Variants in RAPGEF6 observed in about 807,000 individuals in gnomAD.
RAPGEF6 encodes the protein PDZ domain containing guanine nucleotide exchange factor (GEF) 2.
Under a neutral mutation model 171.4 loss-of-function variants are expected in RAPGEF6, and 56 were observed. The observed-to-expected ratio is 0.33, with a 90% CI of 0.26 to 0.41. The LOEUF is 0.41. RAPGEF6 is among the 10% of genes least tolerant of loss of function. The pLI is 1.00. For synonymous variants in RAPGEF6, 692 were observed against 650.1 expected, an observed-to-expected ratio of 1.06 and a Z score of -0.98; for missense variants, 1,674 against 1,921.4, an observed-to-expected ratio of 0.87 and a Z score of 2.41.
intron 11 of RAPGEF6, among the ~76,000 whole-genome samples, chr5:131,502,470 C>T (rs943226498): frequency 8.5e-5 from 13 of 152,194 alleles, no homozygotes; most frequent in Admixed American, 2.6e-4. Flanking sequence ...GTAATCATGG[C>T]TAACTTCACC....
intron 5 of RAPGEF6, among the ~76,000 whole-genome samples, chr5:131,555,746 A>G (rs1013800634): frequency 1.0e-5 from 1 of 96,696 alleles, no homozygotes; most frequent in Admixed American, 1.1e-4. Flanking sequence ...ATTTATGTAT[A>G]TGTGTTATGT....
rs1214236522 is a variant in RAPGEF6 at position 131,446,635 on chromosome 5, G to A, written c.3269C>T (p.Ala1090Val). 8 of 1,614,056 alleles carry A rather than the reference G, an allele frequency of 5.0e-6. No homozygotes were observed. The highest frequency in any genetic ancestry group is 6.8e-6 in the Non-Finnish European group (8 of 1,180,012). ...DVQGGAHKKR[A>V]RRSSLLNAKK... ...GGCATTAAGCAGAGAGCTGCGGCGTGCCCTTTTTTTGTGAGCACCTCCCTG... is the reference window on the plus strand; with the variant it reads ...GGCATTAAGCAGAGAGCTGCGGCGTACCCTTTTTTTGTGAGCACCTCCCTG... Residue 1090 changes from alanine (A) to valine (V), a missense_variant, in exon 22 of 28, where the codon GCA becomes GTA. Physicochemically the swap from Ala to Val is moderately conservative, Grantham distance 64. This residue lies in a region of RAPGEF6 where 1,116 missense variants were observed against 1,321.5 expected (regional missense o/e 0.84). Coordinates refer to ENST00000509018, the MANE Select transcript of RAPGEF6 (RefSeq NM_016340.6).
At chr5:131,529,192 CA>C (rs376894290) in intron 6 of RAPGEF6, among the ~76,000 whole-genome samples, 69 of 150,854 alleles carry the variant, frequency 4.6e-4, no homozygotes, top group African/African-American at 1.6e-3. Flanking sequence ...AAAACAACAA[CA>C]GGCAGGGCAC....
chr5:131,503,797 G>T (rs1580930416), intron 11 of RAPGEF6, among the ~76,000 whole-genome samples: 1 of 152,126 alleles, frequency 6.6e-6, no homozygotes, highest in Non-Finnish European at 1.5e-5. Context: ...CAGTATGGGG[G>T]TTAATACTCA....
rs757492778 is a variant in RAPGEF6, at chr5:131,433,457, A to G, written c.3947T>C (p.Ile1316Thr). 3.7e-6 allele frequency: 6 copies of G among 1,613,146 alleles called. No individual in the cohort carries two copies. Among genetic ancestry groups the G allele is most frequent in the Non-Finnish European group, 4.2e-6 (5 of 1,179,116 alleles). Residue 1316 changes from isoleucine (I) to threonine (T), a missense_variant, in exon 25 of 28, where the codon ATA (isoleucine) becomes ACA (threonine). Transcript: ENST00000509018. ...ALEKTEHASG[I>T]GDHSQHGPGW... Reference sequence around the variant, plus strand: ...AGGGCCATGTTGACTATGATCTCCTATCCCTGAAGCGTGCTCTGTCTTTTC... The same window carrying G: ...AGGGCCATGTTGACTATGATCTCCTGTCCCTGAAGCGTGCTCTGTCTTTTC...
At chr5:131,483,774 G>T (rs1755666692) in intron 15 of RAPGEF6, among the ~76,000 whole-genome samples, 1 of 152,006 alleles carries the variant, frequency 6.6e-6, no homozygotes, top group African/African-American at 2.4e-5. Context: ...AATAAAAGAT[G>T]AGTAACAATA....
At chr5:131,534,013 C>A (rs1759585207) in intron 6 of RAPGEF6, among the ~76,000 whole-genome samples, 1 of 152,076 alleles carries the variant, frequency 6.6e-6, no homozygotes, top group Admixed American at 6.6e-5. Flanking sequence ...AATGGTTGCT[C>A]CTAGTGGCCA....
intron 3 of RAPGEF6, among the ~76,000 whole-genome samples, chr5:131,600,665 A>G (rs924400225): frequency 1.3e-5 from 2 of 151,998 alleles, no homozygotes; most frequent in African/African-American, 4.8e-5. Flanking sequence ...GAAGGAAGGA[A>G]AAAAAGAAAC....
At chr5:131,507,566 C>T (rs986798810) in intron 9 of RAPGEF6, among the ~76,000 whole-genome samples, 9 of 152,084 alleles carry the variant, frequency 5.9e-5, no homozygotes, top group African/African-American at 2.2e-4. Context: ...AGCTGTCATC[C>T]GAGCATTTTT....
chr5:131,457,853 T>C (rs148275204), intron 19 of RAPGEF6, among the ~76,000 whole-genome samples: 395 of 152,162 alleles, frequency 2.6e-3, no homozygotes, highest in African/African-American at 8.8e-3. Flanking sequence ...AATAGAGAAA[T>C]AGTTATTAAT....
At chr5:131,431,964 A>G (rs995391734) in intron 25 of RAPGEF6, among the ~76,000 whole-genome samples, 4 of 152,174 alleles carry the variant, frequency 2.6e-5, no homozygotes, top group Non-Finnish European at 5.9e-5. Context: ...CTCTGAGGTT[A>G]GCCCAGTACA....
intron 7 of RAPGEF6, among the ~76,000 whole-genome samples, chr5:131,517,953 T>C (rs945300463): frequency 3.3e-5 from 5 of 151,168 alleles, no homozygotes; most frequent in Non-Finnish European, 5.9e-5. Context: ...TATTTTCCAA[T>C]TTTTTTTTCA....
chr5:131,545,259 ATAAC>A (rs1336934611), intron 6 of RAPGEF6, among the ~76,000 whole-genome samples: 1 of 152,202 alleles, frequency 6.6e-6, no homozygotes, highest in East Asian at 1.9e-4. Flanking sequence ...TAGTTAAAAA[ATAAC>A]TAAAATACAG....
chr5:131,529,702 G>A (rs778628546), intron 6 of RAPGEF6, among the ~76,000 whole-genome samples: 3 of 152,054 alleles, frequency 2.0e-5, no homozygotes, highest in Non-Finnish European at 4.4e-5. Context: ...CTTGAGTCCA[G>A]GAGTTTGAGA....
chr5:131,594,204 C>T (rs1426327834), intron 3 of RAPGEF6, among the ~76,000 whole-genome samples: 1 of 152,242 alleles, frequency 6.6e-6, no homozygotes, highest in African/African-American at 2.4e-5. Context: ...AGATTTACCG[C>T]ATGCTGTTCT....
At chr5:131,633,267 G>T (rs758919375) in intron 1 of RAPGEF6, among the ~76,000 whole-genome samples, 32 of 152,082 alleles carry the variant, frequency 2.1e-4, no homozygotes, top group Non-Finnish European at 3.8e-4. Context: ...CCCAGGAGGC[G>T]GAGGTTGCAG....
At chr5:131,467,715 T>C (rs1228392619) in intron 17 of RAPGEF6, among the ~76,000 whole-genome samples, 1 of 152,180 alleles carries the variant, frequency 6.6e-6, no homozygotes, top group East Asian at 1.9e-4. Flanking sequence ...AGTACAATTT[T>C]AAAGGCAAAA....
intron 3 of RAPGEF6, among the ~76,000 whole-genome samples, chr5:131,595,808 G>A (rs910811873): frequency 1.3e-5 from 2 of 150,696 alleles, no homozygotes; most frequent in African/African-American, 4.9e-5. Context: ...AAACCCAAAT[G>A]TATGCTGCGT....
intron 10 of RAPGEF6, 79 bp from the exon 11 acceptor site, chr5:131,504,857 A>C (rs138910336): frequency 1.5e-6 from 2 of 1,315,194 alleles, no homozygotes; most frequent in East Asian, 2.5e-5. Context: ...CAGAGCACAA[A>C]GGTAAGAAAT....
Sources: gnomAD v4.1 joint callset for allele counts (sites outside exome capture counted in the v4.1 genomes callset) on GRCh38, gnomAD v4.1.1 for gene constraint, gnomAD v4.1.1 regional missense constraint, MANE v1.5 for transcripts, NCBI Gene and HGNC (gene_info 2026-07-23, HGNC 2026-07-21) for gene names.